Variants in EIF4G3 observed in about 807,000 individuals in gnomAD.
EIF4G3 encodes the protein eukaryotic translation initiation factor 4 gamma 3.
Under a neutral mutation model 186.4 loss-of-function variants are expected in EIF4G3, and 34 were observed. The observed-to-expected ratio is 0.18, with a 90% CI of 0.14 to 0.24. The LOEUF (loss-of-function observed/expected upper bound fraction) is 0.24. Among genes scored for constraint, EIF4G3 ranks in the 10% least tolerant of loss-of-function variants. The pLI is 1.00. For missense variants in EIF4G3, 1,536 were observed against 1,948.5 expected, an observed-to-expected ratio of 0.79 and a Z score of 3.99; for synonymous variants, 673 against 679.5, an observed-to-expected ratio of 0.99 and a Z score of 0.15.
At chr1:20,986,591 C>CA (rs969666137) in intron 7 of EIF4G3, among the ~76,000 whole-genome samples, 10 of 150,846 alleles carry the variant, frequency 6.6e-5, no homozygotes, top group Non-Finnish European at 3.0e-5. Context: ...TAAAAAAATA[C>CA]AAAAAAAATT....
At chr1:21,024,911 A>AAG (rs1420142351) in intron 4 of EIF4G3, among the ~76,000 whole-genome samples, 1 of 151,766 alleles carries the variant, frequency 6.6e-6, no homozygotes, top group Non-Finnish European at 1.5e-5. Flanking sequence ...TAAAAAAAAA[A>AAG]AAAGAAAGTG....
chr1:21,037,806 T>C (rs1394182871), intron 4 of EIF4G3, among the ~76,000 whole-genome samples: 3 of 152,178 alleles, frequency 2.0e-5, no homozygotes, highest in African/African-American at 7.2e-5. Context: ...AAAGTATCAT[T>C]TGGGCAATAT....
intron 2 of EIF4G3, among the ~76,000 whole-genome samples, chr1:21,126,966 A>G (rs568706488): frequency 3.9e-4 from 59 of 152,204 alleles, no homozygotes; most frequent in African/African-American, 1.3e-3. Context: ...TTTTATTTCT[A>G]TAATTTTTAT....
intron 15 of EIF4G3, among the ~76,000 whole-genome samples, chr1:20,900,760 A>G (rs1272379945): frequency 1.3e-5 from 2 of 152,176 alleles, no homozygotes. Context: ...CTCTGAAACA[A>G]CTACTCAGAG....
chr1:20,813,103 G>T (rs1322379219), intron 35 of EIF4G3, 55 bp downstream of exon 35: 1 of 1,233,956 alleles, frequency 8.1e-7, no homozygotes, highest in Non-Finnish European at 1.2e-6. Context: ...ATACTTAGTA[G>T]TTGACATAAT....
chr1:21,077,583 CA>C (rs59376357), intron 3 of EIF4G3, among the ~76,000 whole-genome samples: 143 of 122,710 alleles, frequency 1.2e-3, no homozygotes, highest in Middle Eastern at 4.2e-3. Flanking sequence ...ATTAAAAATA[CA>C]AAAAAAAAAA....
chr1:21,008,004 C>T (rs1480323891), intron 4 of EIF4G3, among the ~76,000 whole-genome samples: 2 of 152,150 alleles, frequency 1.3e-5, no homozygotes, highest in African/African-American at 4.8e-5. Context: ...ATATGCCAAG[C>T]AAGCTGGGTG....
chr1:20,925,242 G>T (rs907119769), intron 14 of EIF4G3, among the ~76,000 whole-genome samples: 1 of 152,128 alleles, frequency 6.6e-6, no homozygotes, highest in African/African-American at 2.4e-5. Context: ...CCATGTTTTA[G>T]GGGTTATTCA....
rs34150070 is a variant in EIF4G3 at position 20,876,222 on chromosome 1, C to CAA, written c.2622+3099_2622+3100dup. On this transcript the variant is annotated intron_variant, in intron 20 of 36. Transcript: ENST00000602326. ...TGGGATATAGAGTGAGAGCCTGTCTCAAAAAAAAAAAAAAAAAAAAAAAAA... is the reference window on the plus strand; with the variant it reads ...TGGGATATAGAGTGAGAGCCTGTCTCAAAAAAAAAAAAAAAAAAAAAAAAAAA... Among the ~76,000 whole-genome samples, 138 of 13,982 alleles carry CAA rather than the reference C, an allele frequency of 9.9e-3. 14 individuals are homozygous for CAA. Among genetic ancestry groups the CAA allele is most frequent in the East Asian group, 0.013 (6 of 476 alleles). The allele number at this position is 13,982 out of a possible 152,430, so 9.2% of individuals were successfully genotyped here.
chr1:21,039,190 G>A (rs903363685), intron 4 of EIF4G3, among the ~76,000 whole-genome samples: 5 of 152,168 alleles, frequency 3.3e-5, no homozygotes, highest in Non-Finnish European at 7.3e-5. Context: ...ACTATTCAAC[G>A]GGTAAAGGAC....
At chr1:20,883,413 T>TA (rs1231801747) in intron 19 of EIF4G3, among the ~76,000 whole-genome samples, 2 of 152,024 alleles carry the variant, frequency 1.3e-5, no homozygotes, top group Non-Finnish European at 2.9e-5. Flanking sequence ...GTTCAGGAGA[T>TA]AGAGACCATC....
intron 2 of EIF4G3, among the ~76,000 whole-genome samples, chr1:21,124,596 T>C (rs969934855): frequency 6.6e-6 from 1 of 152,172 alleles, no homozygotes; most frequent in African/African-American, 2.4e-5. Context: ...GAAATGAGAA[T>C]TCTTCAGAAT....
At position 21,160,207 on chromosome 1, in the gene EIF4G3, A is replaced by T. The variant is rs150280328; in HGVS notation, c.-272+15968T>A. ...GCTAGAACAATCTGAGTAAGAAAAC[A>T]AACAATGATAGTTACTGGATTTTAA... On this transcript the variant is annotated intron_variant, in intron 2 of 36. Transcript: ENST00000602326. 4.1e-3 allele frequency among the ~76,000 whole-genome samples: 619 copies of T among 152,310 alleles called. 1 individual carries two copies. Among genetic ancestry groups the T allele is most frequent in the Non-Finnish European group, 4.7e-3 (322 of 68,018 alleles).
At chr1:20,940,509 C>T (rs2095674296) in intron 14 of EIF4G3, among the ~76,000 whole-genome samples, 1 of 152,110 alleles carries the variant, frequency 6.6e-6, no homozygotes, top group South Asian at 2.1e-4. Flanking sequence ...GTCAAATTTC[C>T]TTATTATACA....
At chr1:21,065,923 T>C (rs1241906309) in intron 3 of EIF4G3, among the ~76,000 whole-genome samples, 1 of 152,170 alleles carries the variant, frequency 6.6e-6, no homozygotes, top group Non-Finnish European at 1.5e-5. Context: ...ACAATAAACC[T>C]AAAGCTGTGG....
At chr1:21,055,383 C>T (rs1208582923) in intron 3 of EIF4G3, among the ~76,000 whole-genome samples, 1 of 151,938 alleles carries the variant, frequency 6.6e-6, no homozygotes, top group African/African-American at 2.4e-5. Flanking sequence ...AAATTAAATA[C>T]CAAATTTGCC....
At chr1:20,894,521 C>G (rs545558802) in intron 17 of EIF4G3, among the ~76,000 whole-genome samples, 7 of 152,294 alleles carry the variant, frequency 4.6e-5, no homozygotes, top group African/African-American at 1.4e-4. Context: ...TCTTTACTAA[C>G]CCATTTATGC....
chr1:21,100,952 T>G (rs1253978965), intron 2 of EIF4G3, among the ~76,000 whole-genome samples: 2 of 152,040 alleles, frequency 1.3e-5, no homozygotes, highest in Non-Finnish European at 2.9e-5. Flanking sequence ...TTGACACTAC[T>G]CCTGACAAAC....
Position 21,057,440 on chromosome 1 carries a change from G to A in EIF4G3, c.-195-6446C>T, listed in dbSNP as rs964666353. On this transcript the variant is annotated intron_variant, in intron 3 of 36. Coordinates refer to ENST00000602326, the MANE Select transcript of EIF4G3 (RefSeq NM_001391906.1). ...TCCATTTATCCAAATATCCAAAACCGGCAAAACTTGACCGTATTAGTCAAT... is the reference window on the plus strand; with the variant it reads ...TCCATTTATCCAAATATCCAAAACCAGCAAAACTTGACCGTATTAGTCAAT... Among the ~76,000 whole-genome samples, 10 of 152,084 alleles carry A rather than the reference G, an allele frequency of 6.6e-5. 1 individual carries two copies. In the East Asian group the frequency reaches 9.7e-4, roughly 15 times the overall value.
Sources: allele counts gnomAD v4.1 joint callset (sites outside exome capture counted in the v4.1 genomes callset), GRCh38; gene constraint gnomAD v4.1.1; transcripts MANE v1.5; gene names NCBI Gene and HGNC (gene_info 2026-07-23, HGNC 2026-07-21).